Variants in TDRD3 observed in about 807,000 individuals in gnomAD.
TDRD3 encodes tudor domain containing 3, also known as tudor domain-containing protein 3.
TDRD3 carries 45 observed loss-of-function variants against 86.7 expected under a neutral mutation model. The ratio of observed to expected loss-of-function variants is 0.52; its 90% CI spans 0.41 to 0.67. The LOEUF is 0.67. TDRD3 is among the 30% of genes least tolerant of loss of function. TDRD3 has a pLI of 0.00. For synonymous variants in TDRD3, 298 were observed against 301.7 expected, an observed-to-expected ratio of 0.99 and a Z score of 0.13; for missense variants, 814 against 889.0, an observed-to-expected ratio of 0.92 and a Z score of 1.07.
chr13:60,440,629 C>T (rs1003425062), intron 2 of TDRD3, among the ~76,000 whole-genome samples: 2 of 151,806 alleles, frequency 1.3e-5, no homozygotes, highest in African/African-American at 2.4e-5. Context: ...TGCAGTGAGC[C>T]GAGATCATGC....
At chr13:60,557,228 G>A (rs957610787) in intron 12 of TDRD3, among the ~76,000 whole-genome samples, 12 of 99,290 alleles carry the variant, frequency 1.2e-4, no homozygotes, top group African/African-American at 4.7e-4. Context: ...AAAAAAAAAA[G>A]TAGTTCCTGA....
intron 5 of TDRD3, 36 bp downstream of exon 5, chr13:60,467,415 T>C: frequency 1.2e-6 from 2 of 1,603,698 alleles, no homozygotes; most frequent in Non-Finnish European, 1.7e-6. Context: ...TTTGAAACAT[T>C]ACACTCTTTT....
In TDRD3 at chr13:60,535,252, G is replaced by A. The variant is rs763948860; in HGVS notation, c.2118+19G>A. The stretch of plus-strand genomic sequence containing the variant: ...GGCATGGGTACGTGATACATATTCT[G>A]TACAAAGGCATAAACTATTTTGAAG... On this transcript the variant is annotated intron_variant, in intron 12 of 13. Coordinates refer to ENST00000377881, the MANE Select transcript of TDRD3 (RefSeq NM_001146070.2). 36 of 1,594,588 alleles carry A rather than the reference G, an allele frequency of 2.3e-5. No homozygotes were observed. The East Asian group carries it at 7.9e-4, about 35-fold the overall frequency.
chr13:60,489,301 C>T (rs1024954558), intron 7 of TDRD3, among the ~76,000 whole-genome samples: 3 of 152,182 alleles, frequency 2.0e-5, no homozygotes, highest in African/African-American at 4.8e-5. Context: ...GCTACATAGA[C>T]ATTTCTTAAC....
chr13:60,482,583 G>A (rs2137494957), intron 5 of TDRD3, among the ~76,000 whole-genome samples: 1 of 152,204 alleles, frequency 6.6e-6, no homozygotes, highest in South Asian at 2.1e-4. Flanking sequence ...TGTTTGAATA[G>A]TCTTTGTTTA....
At chr13:60,469,419 AACACACACACACACATAC>A (rs1484607011) in intron 5 of TDRD3, among the ~76,000 whole-genome samples, 2 of 149,462 alleles carry the variant, frequency 1.3e-5, no homozygotes, top group African/African-American at 4.9e-5. Context: ...CCTTCTCACC[AACACACACACACACATAC>A]ACACACACAC....
chr13:60,426,309 G>A (rs1954806871), intron 1 of TDRD3, among the ~76,000 whole-genome samples: 1 of 152,104 alleles, frequency 6.6e-6, no homozygotes, highest in Non-Finnish European at 1.5e-5. Context: ...GGAGATGTGG[G>A]TCCAAGGACA....
intron 13 of TDRD3, among the ~76,000 whole-genome samples, chr13:60,569,255 G>A (rs1958530970): frequency 1.3e-5 from 2 of 152,166 alleles, no homozygotes; most frequent in South Asian, 4.1e-4. Flanking sequence ...AGGCATGAGA[G>A]CCACTGCACC....
At chr13:60,414,184 A>G (rs1954436545) in intron 1 of TDRD3, among the ~76,000 whole-genome samples, 1 of 152,022 alleles carries the variant, frequency 6.6e-6, no homozygotes, top group Admixed American at 6.6e-5. Flanking sequence ...TTTTAAGTCC[A>G]GATACATTTT....
In TDRD3 at chr13:60,512,049, G is replaced by A. The variant is rs113467151; in HGVS notation, c.1141+1294G>A. Among the ~76,000 whole-genome samples the A allele has an allele frequency of 8.4e-3, 1,274 of 152,098 alleles. 8 individuals are homozygous for A. Among genetic ancestry groups the A allele is most frequent in the Middle Eastern group, 0.024 (7 of 294 alleles). ...ATTAGTTTGTTTTCATGCTGCTGAT[G>A]AAGATATACCTGAGACTAGGTAACT... On this transcript the variant is annotated intron_variant, in intron 10 of 13. Transcript: ENST00000377881.
chr13:60,529,260 G>GT (rs1340196178), intron 11 of TDRD3, 43 bp downstream of exon 11: 3 of 1,514,606 alleles, frequency 2.0e-6, no homozygotes, highest in South Asian at 2.8e-5. Context: ...ATTACGAAAT[G>GT]TAACATTCTA....
chr13:60,422,475 C>A (rs1334367425), intron 1 of TDRD3, among the ~76,000 whole-genome samples: 6 of 150,960 alleles, frequency 4.0e-5, no homozygotes, highest in African/African-American at 1.5e-4. Flanking sequence ...TGAACTATAA[C>A]TCTAAGTTCA....
chr13:60,427,202 A>G (rs2137897482), intron 1 of TDRD3, among the ~76,000 whole-genome samples: 1 of 152,246 alleles, frequency 6.6e-6, no homozygotes, highest in Middle Eastern at 3.4e-3. Flanking sequence ...TTAAATCTTT[A>G]TTATTTTCAG....
At chr13:60,473,562 T>C (rs1956115555) in intron 5 of TDRD3, among the ~76,000 whole-genome samples, 1 of 152,230 alleles carries the variant, frequency 6.6e-6, no homozygotes, top group Non-Finnish European at 1.5e-5. Context: ...TAGAAATAGA[T>C]TATAGATATG....
chr13:60,564,234 C>T (rs1958399674), intron 12 of TDRD3, among the ~76,000 whole-genome samples: 1 of 152,024 alleles, frequency 6.6e-6, no homozygotes, highest in Admixed American at 6.6e-5. Flanking sequence ...ACACAGCCCT[C>T]AGGAGGTCCT....
Position 60,397,234 on chromosome 13 carries a change from G to C in TDRD3, c.-131G>C, listed in dbSNP as rs923913150. On this transcript the variant is annotated 5_prime_UTR_variant, in exon 1 of 14. Coordinates refer to ENST00000377881, the MANE Select transcript of TDRD3 (RefSeq NM_001146070.2). ...GCGCCGGCCGCACTGAGCATGCCCA[G>C]TTGCAGAGCCGACCAGAGGAGTTTT... The C allele has an allele frequency of 1.8e-5, 9 of 508,628 alleles. No homozygotes were observed. The highest frequency in any genetic ancestry group is 2.9e-5 in the Non-Finnish European group (9 of 314,018). The allele number at this position is 508,628 out of a possible 1,614,324, so 31.5% of individuals were successfully genotyped here. A position where few individuals can be genotyped will look rare whatever the true frequency, so the allele number is the denominator to read the frequency against.
intron 1 of TDRD3, among the ~76,000 whole-genome samples, chr13:60,408,692 G>A (rs965405134): frequency 2.6e-5 from 4 of 152,170 alleles, no homozygotes; most frequent in Admixed American, 6.5e-5. Context: ...AAGCAGCATA[G>A]CATTCAAAAG....
At chr13:60,413,665 T>G (rs1034160438) in intron 1 of TDRD3, among the ~76,000 whole-genome samples, 4 of 152,186 alleles carry the variant, frequency 2.6e-5, no homozygotes, top group African/African-American at 9.6e-5. Context: ...TACATTCATG[T>G]TACTTGCACA....
At chr13:60,560,951 C>T (rs551322551) in intron 12 of TDRD3, among the ~76,000 whole-genome samples, 2 of 152,074 alleles carry the variant, frequency 1.3e-5, no homozygotes, top group East Asian at 3.9e-4. Flanking sequence ...TTTTTCTCTT[C>T]TGCCATAAAA....
Sources: gnomAD v4.1 joint callset for allele counts (sites outside exome capture counted in the v4.1 genomes callset) on GRCh38, gnomAD v4.1.1 for gene constraint, MANE v1.5 for transcripts, NCBI Gene and HGNC (gene_info 2026-07-23, HGNC 2026-07-21) for gene names.